ZRANB3: variants seen among roughly 807,000 people sequenced by gnomAD.
ZRANB3 encodes the protein DNA annealing helicase and endonuclease ZRANB3.
ZRANB3 carries 125 observed loss-of-function variants against 133.8 expected under a neutral mutation model. That is an observed-to-expected ratio of 0.93 (90% CI 0.81 to 1.08). ZRANB3 has a LOEUF of 1.08. ZRANB3 is among the 50% of genes least tolerant of loss of function. ZRANB3 has a pLI of 0.00. For missense variants in ZRANB3, 1,229 were observed against 1,275.5 expected, an observed-to-expected ratio of 0.96 and a Z score of 0.56; for synonymous variants, 387 against 432.7, an observed-to-expected ratio of 0.89 and a Z score of 1.31.
At chr2:135,458,868 TATTCC>T (rs1008689837) in intron 2 of ZRANB3, among the ~76,000 whole-genome samples, 6 of 152,152 alleles carry the variant, frequency 3.9e-5, no homozygotes, top group African/African-American at 1.4e-4. Context: ...TATAATCAAA[TATTCC>T]CAAATTATAA....
intron 6 of ZRANB3, among the ~76,000 whole-genome samples, chr2:135,319,250 T>G (rs1443908368): frequency 4.6e-5 from 7 of 152,206 alleles, no homozygotes; most frequent in Admixed American, 3.3e-4. Context: ...AAAAAATTTA[T>G]AAATGCTTAC....
intron 1 of ZRANB3, chr2:135,511,489 ACTT>A: frequency 1.1e-6 from 1 of 876,398 alleles, no homozygotes; most frequent in South Asian, 1.3e-5. Context: ...TTCCTCTACT[ACTT>A]CTTCAGACTC....
At chr2:135,330,319 C>T (rs1008083725) in intron 6 of ZRANB3, among the ~76,000 whole-genome samples, 8 of 152,040 alleles carry the variant, frequency 5.3e-5, no homozygotes, top group Non-Finnish European at 1.2e-4. Context: ...AATCATGTGG[C>T]TTTTGTCATT....
At chr2:135,458,775 TTTAAA>T (rs1690637945) in intron 2 of ZRANB3, among the ~76,000 whole-genome samples, 1 of 152,130 alleles carries the variant, frequency 6.6e-6, no homozygotes, top group African/African-American at 2.4e-5. Flanking sequence ...TTCCTATATT[TTTAAA>T]TTGAGTTGTA....
intron 2 of ZRANB3, among the ~76,000 whole-genome samples, chr2:135,475,933 C>T (rs1691480026): frequency 6.6e-6 from 1 of 152,048 alleles, no homozygotes; most frequent in Non-Finnish European, 1.5e-5. Context: ...CCAAAATTAG[C>T]CAGGCATGGT....
chr2:135,294,762 C>A (rs56741225), intron 8 of ZRANB3, among the ~76,000 whole-genome samples: 1 of 151,994 alleles, frequency 6.6e-6, no homozygotes, highest in African/African-American at 2.4e-5. Flanking sequence ...CTACACACTG[C>A]TTTGAATGTG....
chr2:135,456,249 C>T (rs1013831275), intron 2 of ZRANB3, among the ~76,000 whole-genome samples: 2 of 152,166 alleles, frequency 1.3e-5, no homozygotes, highest in Admixed American at 6.5e-5. Flanking sequence ...AGCAGTTCTC[C>T]TCCATGTGGT....
intron 2 of ZRANB3, among the ~76,000 whole-genome samples, chr2:135,441,256 G>A (rs968160867): frequency 6.6e-6 from 1 of 152,114 alleles, no homozygotes; most frequent in Non-Finnish European, 1.5e-5. Context: ...ATTATGTACT[G>A]GAAGCAATGA....
intron 2 of ZRANB3, among the ~76,000 whole-genome samples, chr2:135,409,806 T>C (rs2104952603): frequency 6.6e-6 from 1 of 152,272 alleles, no homozygotes; most frequent in Non-Finnish European, 1.5e-5. Context: ...CATACAAAAA[T>C]CAGTAGCATT....
At chr2:135,344,827 A>G (rs1055936207) in intron 6 of ZRANB3, among the ~76,000 whole-genome samples, 7 of 152,254 alleles carry the variant, frequency 4.6e-5, no homozygotes, top group Admixed American at 2.6e-4. Flanking sequence ...TACTAGACGA[A>G]GAAAGCAAAC....
Position 135,247,511 on chromosome 2 carries a change from A to T in ZRANB3, c.1540-16584T>A, listed in dbSNP as rs568158683. 2.6e-5 allele frequency among the ~76,000 whole-genome samples: 4 copies of T among 152,350 alleles called. No homozygotes were observed. The East Asian group carries it at 5.8e-4, about 22-fold the overall frequency. ...AATAAAACACATTTTGATTTTTTTT[A>T]AAACCCAAAGTAGTAAAAAAGAAAA... On this transcript the variant is annotated intron_variant, in intron 12 of 20. Coordinates refer to ENST00000264159, the MANE Select transcript of ZRANB3 (RefSeq NM_032143.4).
intron 8 of ZRANB3, among the ~76,000 whole-genome samples, chr2:135,282,594 T>A (rs560782709): frequency 6.6e-6 from 1 of 152,170 alleles, no homozygotes; most frequent in Non-Finnish European, 1.5e-5. Context: ...AGTATTTTAC[T>A]TCCTTATAAA....
Position 135,253,964 on chromosome 2 carries a change from T to A in ZRANB3, c.1539+11570A>T, listed in dbSNP as rs182075371. Reference sequence around the variant, plus strand: ...TATTTATCTGCTTAAAAACATCTCATGACACTACATACTTCCAGAATCAGG... The same window carrying A: ...TATTTATCTGCTTAAAAACATCTCAAGACACTACATACTTCCAGAATCAGG... On this transcript the variant is annotated intron_variant, in intron 12 of 20. Transcript: ENST00000264159. Among the ~76,000 whole-genome samples, 16 of 152,346 alleles carry A rather than the reference T, an allele frequency of 1.1e-4. 1 individual carries two copies. In the East Asian group the frequency reaches 2.9e-3, roughly 28 times the overall value.
intron 2 of ZRANB3, among the ~76,000 whole-genome samples, chr2:135,450,262 C>CA (rs954913852): frequency 1.5e-4 from 20 of 129,406 alleles, no homozygotes; most frequent in Middle Eastern, 4.5e-3. Flanking sequence ...CACTCCGTCT[C>CA]AAAAAAAATA....
chr2:135,474,865 G>A (rs1160109030), intron 2 of ZRANB3, among the ~76,000 whole-genome samples: 1 of 152,060 alleles, frequency 6.6e-6, no homozygotes, highest in Non-Finnish European at 1.5e-5. Context: ...TCTAAGGTAG[G>A]GGAAAGAAAG....
chr2:135,249,124 AG>A (rs1329428432), intron 12 of ZRANB3, among the ~76,000 whole-genome samples: 1 of 152,230 alleles, frequency 6.6e-6, no homozygotes, highest in Non-Finnish European at 1.5e-5. Flanking sequence ...TGCAGAGAAA[AG>A]GGAACACATA....
chr2:135,346,022 T>C (rs903981003), intron 5 of ZRANB3, among the ~76,000 whole-genome samples: 2 of 152,246 alleles, frequency 1.3e-5, no homozygotes, highest in African/African-American at 4.8e-5. Context: ...CAACCCATTA[T>C]GATGTAGATG....
At chr2:135,428,411 G>A (rs534498597) in intron 2 of ZRANB3, among the ~76,000 whole-genome samples, 12 of 131,506 alleles carry the variant, frequency 9.1e-5, no homozygotes, top group African/African-American at 3.3e-4. Flanking sequence ...GGGTGACAGA[G>A]TGAGACTTTG....
chr2:135,378,839 CA>C, intron 3 of ZRANB3, among the ~76,000 whole-genome samples: 1 of 152,250 alleles, frequency 6.6e-6, no homozygotes, highest in East Asian at 1.9e-4. Context: ...CACTAATTTT[CA>C]GAACTGTAAA....
Sources: gnomAD v4.1 joint callset for allele counts (sites outside exome capture counted in the v4.1 genomes callset) on GRCh38, gnomAD v4.1.1 for gene constraint, MANE v1.5 for transcripts, NCBI Gene and HGNC (gene_info 2026-07-23, HGNC 2026-07-21) for gene names.